GNG7: variants seen among roughly 807,000 people sequenced by gnomAD.
GNG7 encodes the protein guanine nucleotide-binding protein G(I)/G(S)/G(O) subunit gamma-7.
In GNG7, 1 loss-of-function variant was observed where a neutral mutation model predicts 4.0. The observed-to-expected ratio is 0.25, with a 90% CI of 0.09 to 1.18. The LOEUF (loss-of-function observed/expected upper bound fraction) is 1.18. Ranked by LOEUF, GNG7 falls within the 50% of genes most tolerant of loss-of-function variation. The pLI is 0.50. For missense variants in GNG7, 86 were observed against 91.9 expected (o/e 0.94, Z 0.26); for synonymous variants, 34 against 36.9 (o/e 0.92, Z 0.29).
intron 3 of GNG7, among the ~76,000 whole-genome samples, chr19:2,544,350 T>C (rs1027923144): frequency 6.6e-6 from 1 of 152,172 alleles, no homozygotes; most frequent in African/African-American, 2.4e-5. Context: ...TCTGCACGCC[T>C]GCTGTGGGCA....
chr19:2,621,419 T>C (rs1981865935), intron 2 of GNG7, among the ~76,000 whole-genome samples: 1 of 151,108 alleles, frequency 6.6e-6, no homozygotes. Flanking sequence ...GAAAAATGGC[T>C]GGGCACAGTG....
intron 3 of GNG7, among the ~76,000 whole-genome samples, chr19:2,530,546 C>T (rs1978549753): frequency 6.6e-6 from 1 of 151,674 alleles, no homozygotes; most frequent in South Asian, 2.1e-4. Flanking sequence ...CATGGTGAAA[C>T]CCCGTCTCTA....
At chr19:2,599,945 A>T (rs1981149880) in intron 2 of GNG7, among the ~76,000 whole-genome samples, 1 of 152,066 alleles carries the variant, frequency 6.6e-6, no homozygotes, top group Non-Finnish European at 1.5e-5. Context: ...TCAAAAAAAA[A>T]AAAAAATTAG....
chr19:2,590,467 A>G (rs1481329630), intron 2 of GNG7, among the ~76,000 whole-genome samples: 1 of 151,748 alleles, frequency 6.6e-6, no homozygotes, highest in African/African-American at 2.4e-5. Context: ...TCATCTATCC[A>G]TTCATCCACC....
At chr19:2,524,119 C>T (rs895872428) in intron 3 of GNG7, among the ~76,000 whole-genome samples, 1 of 152,224 alleles carries the variant, frequency 6.6e-6, no homozygotes, top group Non-Finnish European at 1.5e-5. Flanking sequence ...CCTTGGAAGG[C>T]CAGGGGGTCC....
chr19:2,696,834 C>G lies in GNG7; in HGVS notation c.-135+5812G>C, dbSNP rs116961876. On this transcript the variant is annotated intron_variant, in intron 1 of 4. Coordinates refer to ENST00000382159, the MANE Select transcript of GNG7 (RefSeq NM_052847.3). ...GGGTGGAGAGTCCCCCTCATGGGGA[C>G]AAAAGATTTTACTAGGTGATGGAAT... Among the ~76,000 whole-genome samples the G allele has an allele frequency of 3.5e-4, 53 of 152,214 alleles. No individual in the cohort carries two copies. In the East Asian group the frequency reaches 0.01, roughly 29 times the overall value.
intron 2 of GNG7, among the ~76,000 whole-genome samples, chr19:2,578,527 G>A (rs150683367): frequency 2.6e-5 from 4 of 152,338 alleles, no homozygotes; most frequent in Admixed American, 2.0e-4. Context: ...AGGAATTCAC[G>A]AGCAACGCCC....
At chr19:2,529,375 G>A (rs8102152) in intron 3 of GNG7, among the ~76,000 whole-genome samples, 36,204 of 152,068 alleles carry the variant, frequency 0.24, 4,816 homozygotes, top group South Asian at 0.32. Context: ...GCGCCACCAC[G>A]CCCGGCTAAT....
chr19:2,655,820 C>T (rs1455684054), intron 1 of GNG7, among the ~76,000 whole-genome samples: 4 of 122,826 alleles, frequency 3.3e-5, no homozygotes, highest in East Asian at 2.4e-4. Flanking sequence ...GCCTGGGTGA[C>T]GGAGAGAGGC....
chr19:2,673,145 T>C (rs1473676856), intron 1 of GNG7, among the ~76,000 whole-genome samples: 1 of 151,664 alleles, frequency 6.6e-6, no homozygotes, highest in Non-Finnish European at 1.5e-5. Context: ...TAGTCCCAGC[T>C]ACTCAGGAGG....
chr19:2,608,230 C>T (rs78125500), intron 2 of GNG7, among the ~76,000 whole-genome samples: 7,185 of 151,610 alleles, frequency 0.047, 178 homozygotes, highest in South Asian at 0.068. Flanking sequence ...AGGAAAAGAG[C>T]GGGGATGTCT....
In GNG7 at chr19:2,514,924, G is replaced by T; in HGVS notation, c.*98C>A. The T allele has an allele frequency of 1.0e-6, 1 of 972,460 alleles. No individual in the cohort carries two copies. Among genetic ancestry groups the T allele is most frequent in the Non-Finnish European group, 1.6e-6 (1 of 637,266 alleles). The allele number at this position is 972,460 out of a possible 1,614,324, so 60.2% of individuals were successfully genotyped here. The stretch of plus-strand genomic sequence containing the variant: ...TTTGGGGACTTGAGATGTTTTGTTT[G>T]AGCTAATTACTGAATGATGCCCTGC... On this transcript the variant is annotated 3_prime_UTR_variant, in exon 5 of 5. Transcript: ENST00000382159.
chr19:2,696,314 GAAA>G (rs1913252521), intron 1 of GNG7, among the ~76,000 whole-genome samples: 1 of 125,694 alleles, frequency 8.0e-6, no homozygotes, highest in Admixed American at 8.1e-5. Flanking sequence ...AAGAAAGAAA[GAAA>G]GAAAGAAAGA....
intron 2 of GNG7, among the ~76,000 whole-genome samples, chr19:2,627,070 G>T (rs1982039875): frequency 6.6e-6 from 1 of 152,264 alleles, no homozygotes; most frequent in South Asian, 2.1e-4. Context: ...TCCCACTCAG[G>T]TGTGGATTTC....
chr19:2,513,491 G>A lies in GNG7; in HGVS notation c.*1531C>T, dbSNP rs2144720586. The A allele has an allele frequency of 2.8e-5, 28 of 985,074 alleles. No homozygotes were observed. Among genetic ancestry groups the A allele is most frequent in the Non-Finnish European group, 3.3e-5 (27 of 829,604 alleles). 61.0% of individuals were successfully genotyped at this position (985,074 alleles called of 1,614,324 possible). A position where few individuals can be genotyped will look rare whatever the true frequency, so the allele number is the denominator to read the frequency against. On this transcript the variant is annotated 3_prime_UTR_variant, in exon 5 of 5. Transcript: ENST00000382159. ...CTGCTCCCGTCCGTGCCGCAGAGGA[G>A]GACGCAGTCATCTTTCAGAAGCCTC...
chr19:2,689,261 A>T (rs1272203236), intron 1 of GNG7, among the ~76,000 whole-genome samples: 3 of 151,868 alleles, frequency 2.0e-5, no homozygotes, highest in African/African-American at 7.2e-5. Context: ...TAGGGGAAAA[A>T]AAATAATTAT....
chr19:2,568,768 A>G (rs1980045978), intron 2 of GNG7, among the ~76,000 whole-genome samples: 1 of 148,620 alleles, frequency 6.7e-6, no homozygotes, highest in South Asian at 2.1e-4. Context: ...ATACACATAT[A>G]CACATAAATA....
At chr19:2,568,658 T>C (rs1017293284) in intron 2 of GNG7, among the ~76,000 whole-genome samples, 2 of 93,174 alleles carry the variant, frequency 2.1e-5, no homozygotes, top group African/African-American at 7.7e-5. Context: ...AATACACATA[T>C]ACACATACAC....
intron 2 of GNG7, among the ~76,000 whole-genome samples, chr19:2,571,252 TC>T (rs1221021477): frequency 6.6e-6 from 1 of 152,086 alleles, no homozygotes; most frequent in East Asian, 1.9e-4. Context: ...TAACAGAGGG[TC>T]CCTGGTCAAC....
Sources: allele counts gnomAD v4.1 joint callset (sites outside exome capture counted in the v4.1 genomes callset), GRCh38; gene constraint gnomAD v4.1.1; transcripts MANE v1.5; gene names NCBI Gene and HGNC (gene_info 2026-07-23, HGNC 2026-07-21).